The following KIF16B variants were observed in gnomAD, a reference collection of about 807,000 sequenced individuals.
KIF16B encodes kinesin family member 16B, also known as kinesin-like protein KIF16B.
Under a neutral mutation model 156.3 loss-of-function variants are expected in KIF16B, and 98 were observed. That is an observed-to-expected ratio of 0.63 (90% CI 0.53 to 0.74). The LOEUF (loss-of-function observed/expected upper bound fraction) is 0.74. KIF16B is among the 30% of genes least tolerant of loss of function. KIF16B has a pLI of 0.00. For synonymous variants in KIF16B, 564 were observed against 583.7 expected, an observed-to-expected ratio of 0.97 and a Z score of 0.49; for missense variants, 1,421 against 1,606.5, an observed-to-expected ratio of 0.88 and a Z score of 1.97.
intron 12 of KIF16B, among the ~76,000 whole-genome samples, chr20:16,472,436 A>G (rs1275221523): frequency 6.6e-6 from 1 of 151,168 alleles, no homozygotes; most frequent in Non-Finnish European, 1.5e-5. Context: ...CCAGGCTTCG[A>G]CTCCCAAACC....
In KIF16B at chr20:16,534,817, T is replaced by A. The variant is rs2069895236; in HGVS notation, c.48-6377A>T. 2.0e-5 allele frequency among the ~76,000 whole-genome samples: 3 copies of A among 152,258 alleles called. No individual in the cohort carries two copies. The South Asian group carries it at 6.2e-4, about 32-fold the overall frequency. On this transcript the variant is annotated intron_variant, in intron 1 of 25. Coordinates refer to ENST00000354981, the MANE Select transcript of KIF16B (RefSeq NM_024704.5). ...AAAGATCAGTTGAAAATATGTGGAT[T>A]TATTTCTGGGTTCTCTGTTCTGCTC... is the stretch of plus-strand genomic sequence containing the variant.
At position 16,430,062 on chromosome 20, in the gene KIF16B, G is replaced by C. The variant is rs2066458507; in HGVS notation, c.1303-80C>G. On this transcript the variant is annotated intron_variant, in intron 12 of 25. Transcript: ENST00000354981. The stretch of plus-strand genomic sequence containing the variant: ...AAATTAGGTGTTCTTCAGATTGTCA[G>C]AATGGGCAATATTTTATTTCTCATC... 5 of 1,352,576 alleles carry C rather than the reference G, an allele frequency of 3.7e-6. No individual in the cohort carries two copies. The South Asian group carries it at 6.1e-5, about 17-fold the overall frequency. The allele number at this position is 1,352,576 out of a possible 1,614,324, so 83.8% of individuals were successfully genotyped here.
chr20:16,536,479 A>G (rs977092596), intron 1 of KIF16B, among the ~76,000 whole-genome samples: 1 of 152,194 alleles, frequency 6.6e-6, no homozygotes, highest in Non-Finnish European at 1.5e-5. Context: ...CAGAATAGCT[A>G]GAAAAGAGGA....
chr20:16,537,313 C>T (rs766709205), intron 1 of KIF16B, among the ~76,000 whole-genome samples: 1 of 152,150 alleles, frequency 6.6e-6, no homozygotes, highest in Non-Finnish European at 1.5e-5. Flanking sequence ...AACCATTCCT[C>T]TAAATTCAGC....
intron 22 of KIF16B, among the ~76,000 whole-genome samples, chr20:16,358,122 G>A (rs1054369064): frequency 1.1e-4 from 17 of 152,182 alleles, no homozygotes; most frequent in African/African-American, 3.9e-4. Flanking sequence ...CCGGGAGGCA[G>A]AGGTTGCAGT....
At chr20:16,280,498 G>T (rs543299093) in intron 25 of KIF16B, among the ~76,000 whole-genome samples, 2 of 152,344 alleles carry the variant, frequency 1.3e-5, no homozygotes, top group Non-Finnish European at 2.9e-5. Context: ...CTTGAATATG[G>T]ATTCAGCCTG....
chr20:16,541,475 C>G (rs138554021), intron 1 of KIF16B, among the ~76,000 whole-genome samples: 1 of 152,196 alleles, frequency 6.6e-6, no homozygotes, highest in Non-Finnish European at 1.5e-5. Context: ...CCAAGGACAA[C>G]GATGCTATCA....
At chr20:16,297,729 G>A (rs2063411938) in intron 25 of KIF16B, among the ~76,000 whole-genome samples, 1 of 150,942 alleles carries the variant, frequency 6.6e-6, no homozygotes, top group Non-Finnish European at 1.5e-5. Context: ...TTAATGTCCT[G>A]GGTTTTGGGT....
At chr20:16,480,884 G>A (rs2067963901) in intron 12 of KIF16B, among the ~76,000 whole-genome samples, 1 of 152,068 alleles carries the variant, frequency 6.6e-6, no homozygotes, top group South Asian at 2.1e-4. Context: ...CTTTTCAAAT[G>A]GCATCACCCA....
chr20:16,570,268 A>C (rs2071407542), intron 1 of KIF16B, among the ~76,000 whole-genome samples: 3 of 152,236 alleles, frequency 2.0e-5, no homozygotes, highest in African/African-American at 7.2e-5. Context: ...AATAAAAATT[A>C]GAAATTAGAA....
At chr20:16,336,968 T>C (rs2328017) in intron 23 of KIF16B, among the ~76,000 whole-genome samples, 108,550 of 152,158 alleles carry the variant, frequency 0.71, 39,569 homozygotes, top group East Asian at 0.96. Context: ...CTCTCCAATC[T>C]CTTTTCTGCA....
intron 15 of KIF16B, 109 bp downstream of exon 15, chr20:16,426,995 T>C (rs1477410973): frequency 1.0e-6 from 1 of 993,580 alleles, no homozygotes; most frequent in Non-Finnish European, 1.4e-6. Context: ...TCACCCTTTT[T>C]ATACCTAATC....
chr20:16,472,840 G>A (rs2067702594), intron 12 of KIF16B, among the ~76,000 whole-genome samples: 1 of 152,178 alleles, frequency 6.6e-6, no homozygotes. Context: ...TATTGAGAAA[G>A]TCATTACCTA....
chr20:16,280,789 C>T (rs1361014130), intron 25 of KIF16B, among the ~76,000 whole-genome samples: 4 of 151,998 alleles, frequency 2.6e-5, no homozygotes, highest in African/African-American at 4.8e-5. Context: ...ATACTATGCA[C>T]ATGCAGCCTC....
chr20:16,514,885 CAAAAAA>C (rs10564862), intron 4 of KIF16B, among the ~76,000 whole-genome samples: 23,504 of 60,834 alleles, frequency 0.39, 2,270 homozygotes, highest in East Asian at 0.56. Context: ...GATTCCATCT[CAAAAAA>C]AAAAAAAAAA....
chr20:16,455,243 G>C (rs2067184152), intron 12 of KIF16B, among the ~76,000 whole-genome samples: 1 of 151,980 alleles, frequency 6.6e-6, no homozygotes, highest in African/African-American at 2.4e-5. Context: ...ACAGGGTCTT[G>C]CTATGTTGCT....
intron 12 of KIF16B, among the ~76,000 whole-genome samples, chr20:16,438,787 GT>G (rs979139172): frequency 2.6e-5 from 4 of 152,222 alleles, no homozygotes; most frequent in Admixed American, 6.5e-5. Context: ...TTTTTGCTCT[GT>G]TCCCAGAGAG....
chr20:16,368,943 A>G (rs984326509), intron 22 of KIF16B: 2 of 985,758 alleles, frequency 2.0e-6, no homozygotes, highest in African/African-American at 3.5e-5. Flanking sequence ...CTTCTGCATC[A>G]TCGGTGTTAC....
At chr20:16,407,822 T>C (rs1158495653) in intron 15 of KIF16B, among the ~76,000 whole-genome samples, 2 of 152,126 alleles carry the variant, frequency 1.3e-5, no homozygotes, top group Non-Finnish European at 2.9e-5. Flanking sequence ...CCCTGTCATG[T>C]TTCAAAAACA....
Sources: gnomAD v4.1 joint callset for allele counts (sites outside exome capture counted in the v4.1 genomes callset) on GRCh38, gnomAD v4.1.1 for gene constraint, MANE v1.5 for transcripts, NCBI Gene and HGNC (gene_info 2026-07-23, HGNC 2026-07-21) for gene names.